The following KLHL30 variants were observed in gnomAD, a reference collection of about 807,000 sequenced individuals.
KLHL30 encodes kelch-like protein 30.
In KLHL30, 55 loss-of-function variants were observed where a neutral mutation model predicts 55.0. The observed-to-expected ratio is 1.00, with a 90% confidence interval of 0.80 to 1.25. The LOEUF (loss-of-function observed/expected upper bound fraction) is 1.25. Among genes scored for constraint, KLHL30 ranks in the 50% most tolerant of loss-of-function variants. The pLI is 0.00. For synonymous variants in KLHL30, 356 were observed against 372.6 expected, an observed-to-expected ratio of 0.96 and a Z score of 0.51; for missense variants, 786 against 811.6, an observed-to-expected ratio of 0.97 and a Z score of 0.38.
chr2:238,147,848 G>A lies in KLHL30; in HGVS notation c.1165G>A (p.Val389Met), dbSNP rs772882958. The A allele has an allele frequency of 2.4e-5, 37 of 1,519,794 alleles. 1 individual carries two copies. In the East Asian group the frequency reaches 4.1e-4, roughly 17 times the overall value. The allele number at this position is 1,519,794 out of a possible 1,614,324, so 94.1% of individuals were successfully genotyped here. A position where few individuals can be genotyped will look rare whatever the true frequency, so the allele number is the denominator to read the frequency against. Reference protein sequence around the residue: ...IYVIGGTTLDVVEVESYDPYT... With the variant: ...IYVIGGTTLDMVEVESYDPYT... ...TCACCCCACAGGCACCACCCTGGAC[G>A]TGGTGGAGGTGGAGAGCTATGACCC... The change falls in exon 6 of 8, where the codon GTG becomes ATG. Residue 389 changes from valine (V) to methionine (M), a missense_variant. Coordinates refer to ENST00000409223, the MANE Select transcript of KLHL30 (RefSeq NM_198582.4). The surrounding 1 kb of genome is among the most constrained non-coding windows in gnomAD (Gnocchi z 5.8).
chr2:238,144,629 G>A (rs59873377), intron 3 of KLHL30, among the ~76,000 whole-genome samples: 3,378 of 151,390 alleles, frequency 0.022, 93 homozygotes, highest in Admixed American at 0.072. Flanking sequence ...GTGAGACCCC[G>A]GCCTCCAAAA....
chr2:238,143,303 G>A (rs1285510855), intron 3 of KLHL30, among the ~76,000 whole-genome samples: 1 of 152,226 alleles, frequency 6.6e-6, no homozygotes, highest in Non-Finnish European at 1.5e-5. Context: ...AGGGAATCGA[G>A]ACCCCAAGGG....
chr2:238,144,374 G>GGAAA (rs779593404), intron 3 of KLHL30, among the ~76,000 whole-genome samples: 7,118 of 51,156 alleles, frequency 0.14, 438 homozygotes, highest in South Asian at 0.28. Flanking sequence ...GTGCTCGGAA[G>GGAAA]GAAGGAAGGA....
In KLHL30 at chr2:238,148,135, G is replaced by A. The variant is rs948302879; in HGVS notation, c.1339+113G>A. 4.9e-5 allele frequency: 53 copies of A among 1,090,006 alleles called. No homozygotes were observed. In the African/African-American group the frequency reaches 7.3e-4, roughly 15 times the overall value. The allele number at this position is 1,090,006 out of a possible 1,614,324, so 67.5% of individuals were successfully genotyped here. A position where few individuals can be genotyped will look rare whatever the true frequency, so the allele number is the denominator to read the frequency against. On this transcript the variant is annotated intron_variant, in intron 6 of 7. Transcript: ENST00000409223. ...CTCCTGAGGATAGACGGGGCCCGGGGTGGAGAGAGCCGGCGGCCGCAGGCC... is the reference window on the plus strand; with the variant it reads ...CTCCTGAGGATAGACGGGGCCCGGGATGGAGAGAGCCGGCGGCCGCAGGCC...
intron 1 of KLHL30, among the ~76,000 whole-genome samples, chr2:238,139,736 A>T (rs1047597881): frequency 6.6e-6 from 1 of 152,044 alleles, no homozygotes; most frequent in Non-Finnish European, 1.5e-5. Flanking sequence ...CCTGCCCGGG[A>T]TGGCCCCGCG....
chr2:238,144,418 G>GGAAGGAAGGAAT (rs1559275948), intron 3 of KLHL30, among the ~76,000 whole-genome samples: 597 of 116,940 alleles, frequency 5.1e-3, no homozygotes, highest in East Asian at 0.019. Flanking sequence ...AAGGAAGGAA[G>GGAAGGAAGGAAT]GAAGGAAGGA....
At chr2:238,146,234 G>A (rs760005935) in intron 5 of KLHL30, among the ~76,000 whole-genome samples, 1 of 151,800 alleles carries the variant, frequency 6.6e-6, no homozygotes, top group Non-Finnish European at 1.5e-5. Context: ...ACAAAATGTG[G>A]CCGGGTGTGG....
At chr2:238,145,627 C>G (rs1559276549) in intron 4 of KLHL30, 50 bp from the exon 5 acceptor site, 3 of 1,549,652 alleles carry the variant, frequency 1.9e-6, no homozygotes, top group African/African-American at 1.4e-5. Context: ...ACCCCATGGC[C>G]TGGTGCCCCA....
At chr2:238,149,517 T>A (rs901536973) in intron 7 of KLHL30, among the ~76,000 whole-genome samples, 10 of 152,084 alleles carry the variant, frequency 6.6e-5, no homozygotes, top group Non-Finnish European at 1.0e-4. Flanking sequence ...AGGACAGGGG[T>A]GACGGTGATG....
Position 238,149,142 on chromosome 2 carries a change from T to A in KLHL30, c.1475T>A (p.Leu492Gln), listed in dbSNP as rs993480804. Residue 492 changes from leucine to glutamine, a missense_variant, in exon 7 of 8, where the codon CTG becomes CAG. Leu to Gln is a moderately radical substitution (Grantham distance 113). Coordinates refer to ENST00000409223, the MANE Select transcript of KLHL30 (RefSeq NM_198582.4). ...TACGTGTACGACCCCGGGGCCAACC[T>A]GTGGCAGAAGGTGGGCCGCCCCCTC... is the stretch of plus-strand genomic sequence containing the variant. Reference protein sequence around the residue: ...KVYVYDPGANLWQKVQSQHSL... With the variant: ...KVYVYDPGANQWQKVQSQHSL... 1 of 1,612,680 alleles carries A rather than the reference T, an allele frequency of 6.2e-7. No individual in the cohort carries two copies. Among genetic ancestry groups the A allele is most frequent in the African/African-American group, 1.3e-5 (1 of 75,018 alleles).
Position 238,144,426 on chromosome 2 carries a change from G to GGAAGGAAGGAAGGAAT in KLHL30, c.908-467_908-466insAAGGAATGAAGGAAGG, listed in dbSNP as rs1559276012. Among the ~76,000 whole-genome samples the GGAAGGAAGGAAGGAAT allele has an allele frequency of 8.4e-5, 8 of 95,402 alleles. No individual in the cohort carries two copies. In the South Asian group the frequency reaches 2.4e-3, roughly 29 times the overall value. The allele number at this position is 95,402 out of a possible 152,430, so 62.6% of individuals were successfully genotyped here. On this transcript the variant is annotated intron_variant, in intron 3 of 7. Transcript: ENST00000409223. ...AGGAAGGAAGGAAGGAAGGAAGGAAGGAAGGAAGGCAGGCAGGCAGGCAGG... is the reference window on the plus strand; with the variant it reads ...AGGAAGGAAGGAAGGAAGGAAGGAAGGAAGGAAGGAAGGAATGAAGGAAGGCAGGCAGGCAGGCAGG...
Position 238,142,787 on chromosome 2 carries a change from C to T in KLHL30, c.775-12C>T. Reference sequence around the variant, plus strand: ...ATTGCTGTTGCCCTGACCCTGGCCTCCCACCCCACAGGCACCACTCGCCCT... The same window carrying T: ...ATTGCTGTTGCCCTGACCCTGGCCTTCCACCCCACAGGCACCACTCGCCCT... On this transcript the variant is annotated splice_polypyrimidine_tract_variant and intron_variant, in intron 2 of 7. Coordinates refer to ENST00000409223, the MANE Select transcript of KLHL30 (RefSeq NM_198582.4). 7.2e-7 allele frequency: 1 copy of T among 1,384,212 alleles called. No homozygotes were observed. The highest frequency in any genetic ancestry group is 9.3e-7 in the Non-Finnish European group (1 of 1,070,650). 85.7% of individuals were successfully genotyped at this position (1,384,212 alleles called of 1,614,324 possible).
intron 3 of KLHL30, among the ~76,000 whole-genome samples, chr2:238,144,432 A>AAGGAAGGAAGGAAGGC (rs1692608040): frequency 6.8e-4 from 56 of 82,392 alleles, no homozygotes; most frequent in Admixed American, 9.9e-4. Context: ...GGAAGGAAGG[A>AAGGAAGGAAGGAAGGC]AGGCAGGCAG....
At position 238,147,729 on chromosome 2, in the gene KLHL30, AC is replaced by A; in HGVS notation, c.1151-101del. The A allele has an allele frequency of 3.0e-6, 2 of 661,042 alleles. No homozygotes were observed. The highest frequency in any genetic ancestry group is 2.3e-6 in the Non-Finnish European group (1 of 442,042). The allele number at this position is 661,042 out of a possible 1,614,324, so 40.9% of individuals were successfully genotyped here. ...TCCCTGTCTGTGAAATGGGGAGCCCACCCCACCTCCCACCACTTTGCTGCCT... is the reference window on the plus strand; with the variant it reads ...TCCCTGTCTGTGAAATGGGGAGCCCACCCACCTCCCACCACTTTGCTGCCT... On this transcript the variant is annotated intron_variant, in intron 5 of 7. Coordinates refer to ENST00000409223, the MANE Select transcript of KLHL30 (RefSeq NM_198582.4). This position sits in a 1 kb window ranked among gnomAD's most constrained non-coding sequence, Gnocchi z 5.8.
chr2:238,142,673 A>C, intron 2 of KLHL30, 126 bp from the exon 3 acceptor site: 1 of 956,364 alleles, frequency 1.0e-6, no homozygotes, highest in Non-Finnish European at 1.4e-6. Context: ...GCACTCGGGC[A>C]CACGCCATCT....
In KLHL30 at chr2:238,151,562, TA is replaced by T. The variant is rs1237269179; in HGVS notation, c.*499del. ...TGCTTCTGCCCAGCTCACGGCAGCGTAACTGTGGCCAGCCACCTCCCCTCTC... is the reference window on the plus strand; with the variant it reads ...TGCTTCTGCCCAGCTCACGGCAGCGTACTGTGGCCAGCCACCTCCCCTCTC... On this transcript the variant is annotated 3_prime_UTR_variant, in exon 8 of 8. Coordinates refer to ENST00000409223, the MANE Select transcript of KLHL30 (RefSeq NM_198582.4). 1 of 163,946 alleles carries T rather than the reference TA, an allele frequency of 6.1e-6. No homozygotes were observed. The highest frequency in any genetic ancestry group is 2.4e-5 in the African/African-American group (1 of 41,764). The allele number at this position is 163,946 out of a possible 1,614,324, so 10.2% of individuals were successfully genotyped here. A position where few individuals can be genotyped will look rare whatever the true frequency, so the allele number is the denominator to read the frequency against.
Position 238,152,331 on chromosome 2 carries a change from G to A in KLHL30, c.*1266G>A. On this transcript the variant is annotated 3_prime_UTR_variant, in exon 8 of 8. Transcript: ENST00000409223. ...CTTGAGCTTCTGTAGGTAGGGATCT[G>A]CTTTGCTCCCAGACCTGCCTCTCAT... is the stretch of plus-strand genomic sequence containing the variant. The A allele has an allele frequency of 3.2e-6, 1 of 316,218 alleles. No homozygotes were observed. The highest frequency in any genetic ancestry group is 4.5e-6 in the Non-Finnish European group (1 of 222,404). The allele number at this position is 316,218 out of a possible 1,614,324, so 19.6% of individuals were successfully genotyped here.
At chr2:238,144,420 A>AGGCAGGCAGGC (rs1692604143) in intron 3 of KLHL30, among the ~76,000 whole-genome samples, 7 of 98,896 alleles carry the variant, frequency 7.1e-5, no homozygotes, top group African/African-American at 1.6e-4. Context: ...GGAAGGAAGG[A>AGGCAGGCAGGC]AGGAAGGAAG....
intron 3 of KLHL30, among the ~76,000 whole-genome samples, chr2:238,143,726 G>A (rs1333768722): frequency 6.6e-6 from 1 of 152,244 alleles, no homozygotes; most frequent in Non-Finnish European, 1.5e-5. Context: ...GCTGAAGAGA[G>A]GGGGTTTGGG....
Sources: allele counts gnomAD v4.1 joint callset (sites outside exome capture counted in the v4.1 genomes callset), GRCh38; gene constraint gnomAD v4.1.1; non-coding constraint Gnocchi (gnomAD v3.1); transcripts MANE v1.5; gene names NCBI Gene and HGNC (gene_info 2026-07-23, HGNC 2026-07-21).